The following ENSA variants were observed in gnomAD, a reference collection of about 807,000 sequenced individuals.
The protein encoded by ENSA is alpha-endosulfine.
Under a neutral mutation model 16.8 loss-of-function variants are expected in ENSA, and 7 were observed. The ratio of observed to expected loss-of-function variants is 0.42; its 90% CI spans 0.24 to 0.78. The LOEUF (loss-of-function observed/expected upper bound fraction) is 0.78. ENSA is among the 30% of genes least tolerant of loss of function. ENSA has a pLI of 0.29. For synonymous variants in ENSA, 58 were observed against 53.4 expected (o/e 1.09, Z -0.37); for missense variants, 87 against 142.3 (o/e 0.61, Z 1.98).
rs1052645300 is a variant in ENSA, at chr1:150,627,710, T to C, written c.58-118A>G. ...AATCCACCCACTTGTAAATACGCTATCTCTACTCTGCTGTTAAAGCTAGAC... is the reference window on the plus strand; with the variant it reads ...AATCCACCCACTTGTAAATACGCTACCTCTACTCTGCTGTTAAAGCTAGAC... On this transcript the variant is annotated intron_variant, in intron 1 of 3. Coordinates refer to ENST00000369014, the MANE Select transcript of ENSA (RefSeq NM_004436.4). 77 of 1,030,052 alleles carry C rather than the reference T, an allele frequency of 7.5e-5. 1 individual carries two copies. The highest frequency in any genetic ancestry group is 1.1e-4 in the Admixed American group (4 of 36,188). 63.8% of individuals were successfully genotyped at this position (1,030,052 alleles called of 1,614,324 possible).
In ENSA at chr1:150,629,517, G is replaced by A; in HGVS notation, c.-47C>T. 6.2e-7 allele frequency: 1 copy of A among 1,600,030 alleles called. No homozygotes were observed. The highest frequency in any genetic ancestry group is 8.5e-7 in the Non-Finnish European group (1 of 1,174,114). On this transcript the variant is annotated 5_prime_UTR_variant, in exon 1 of 4. Transcript: ENST00000369014. ...TGTAAGGGGCCCGGGAAGGCAACCG[G>A]AGAAGGGAAGGGGGAGGGGAAACGG... is the stretch of plus-strand genomic sequence containing the variant.
chr1:150,625,583 C>T (rs1391373155), intron 3 of ENSA, 59 bp downstream of exon 3: 1 of 1,500,160 alleles, frequency 6.7e-7, no homozygotes, highest in East Asian at 2.4e-5. Context: ...TTCATCCCTG[C>T]CTATAATATA....
chr1:150,622,288 G>T lies in ENSA; in HGVS notation c.*556C>A, dbSNP rs1008020922. 9.2e-5 allele frequency: 14 copies of T among 152,536 alleles called. No homozygotes were observed. The highest frequency in any genetic ancestry group is 3.4e-4 in the African/African-American group (14 of 41,446). 9.4% of individuals were successfully genotyped at this position (152,536 alleles called of 1,614,324 possible). ...TTTCAAGGACAGTACTTTTTAAAAT[G>T]ATTAATGTTGAGTTCTCAACTAGCT... On this transcript the variant is annotated 3_prime_UTR_variant, in exon 4 of 4. Transcript: ENST00000369014.
chr1:150,629,346 G>A (rs902488040), intron 1 of ENSA, 68 bp downstream of exon 1: 9 of 1,583,572 alleles, frequency 5.7e-6, no homozygotes, highest in African/African-American at 4.0e-5. Context: ...AATCCGCACT[G>A]GTGGGAGACC....
chr1:150,629,605 T>A lies in ENSA; in HGVS notation c.-135A>T, dbSNP rs1649602202. The A allele has an allele frequency of 8.8e-7, 1 of 1,140,242 alleles. No individual in the cohort carries two copies. Among genetic ancestry groups the A allele is most frequent in the Non-Finnish European group, 1.2e-6 (1 of 803,524 alleles). 70.6% of individuals were successfully genotyped at this position (1,140,242 alleles called of 1,614,324 possible). ...GGTTGCTCAGTCAAAATGGCGGCCC[T>A]TGCCCGTGACGTTGCGACCGCCCCT... is the stretch of plus-strand genomic sequence containing the variant. On this transcript the variant is annotated 5_prime_UTR_variant, in exon 1 of 4. In the 5' UTR this introduces an upstream ATG that the reference lacks. Transcript: ENST00000369014.
rs1649115254 is a variant in ENSA at position 150,623,727 on chromosome 1, C to A, written c.351-868G>T. On this transcript the variant is annotated intron_variant, in intron 3 of 3. Transcript: ENST00000369014. ...CAATGGTGTTCAGCATTTTCCCCTT[C>A]CCAGATGGACTTTAAGGATGACAGC... is the stretch of plus-strand genomic sequence containing the variant. The A allele has an allele frequency of 1.3e-5, 13 of 985,624 alleles. No homozygotes were observed. The South Asian group carries it at 6.1e-4, about 46-fold the overall frequency. The allele number at this position is 985,624 out of a possible 1,614,324, so 61.1% of individuals were successfully genotyped here. A position where few individuals can be genotyped will look rare whatever the true frequency, so the allele number is the denominator to read the frequency against.
In ENSA at chr1:150,622,243, T is replaced by C. The variant is rs773277109; in HGVS notation, c.*601A>G. 2.0e-5 allele frequency: 3 copies of C among 152,382 alleles called. No homozygotes were observed. Among genetic ancestry groups the C allele is most frequent in the East Asian group, 1.9e-4 (1 of 5,184 alleles). 9.4% of individuals were successfully genotyped at this position (152,382 alleles called of 1,614,324 possible). A position where few individuals can be genotyped will look rare whatever the true frequency, so the allele number is the denominator to read the frequency against. On this transcript the variant is annotated 3_prime_UTR_variant, in exon 4 of 4. Coordinates refer to ENST00000369014, the MANE Select transcript of ENSA (RefSeq NM_004436.4). The stretch of plus-strand genomic sequence containing the variant: ...CTCCTTTCTCCCACACTCACTGCCC[T>C]TCTTCCCACAGCAAATCTATTTCAA...
chr1:150,621,563 C>G (rs962917074), downstream of ENSA: 2 of 152,204 alleles, frequency 1.3e-5, no homozygotes, highest in African/African-American at 4.8e-5. Flanking sequence ...CGTGAGCCAC[C>G]GTACACCCGC....
rs1031072027 is a variant in ENSA at position 150,623,953 on chromosome 1, A to C, written c.351-1094T>G. 4 of 985,296 alleles carry C rather than the reference A, an allele frequency of 4.1e-6. No homozygotes were observed. The African/African-American group carries it at 7.0e-5, about 17-fold the overall frequency. 61.0% of individuals were successfully genotyped at this position (985,296 alleles called of 1,614,324 possible). On this transcript the variant is annotated intron_variant, in intron 3 of 3. Coordinates refer to ENST00000369014, the MANE Select transcript of ENSA (RefSeq NM_004436.4). Reference sequence around the variant, plus strand: ...ATACACACCTCATCCCCCCACATGCACATCAGCAAGTCTATCAGTCATTCT... The same window carrying C: ...ATACACACCTCATCCCCCCACATGCCCATCAGCAAGTCTATCAGTCATTCT...
rs12023300 is a variant in ENSA at position 150,623,404 on chromosome 1, T to A, written c.351-545A>T. ...TGTGGAAACTGGCAAATACAGAATG[T>A]AGCTTGTTTGTTTTCTTAGCCTTGA... On this transcript the variant is annotated intron_variant, in intron 3 of 3. Transcript: ENST00000369014. 5.7e-5 allele frequency: 56 copies of A among 985,882 alleles called. 1 individual carries two copies. In the East Asian group the frequency reaches 4.3e-3, roughly 76 times the overall value. 61.1% of individuals were successfully genotyped at this position (985,882 alleles called of 1,614,324 possible).
intron 3 of ENSA, chr1:150,623,488 C>T: frequency 2.0e-6 from 2 of 985,732 alleles, no homozygotes; most frequent in Non-Finnish European, 2.4e-6. Flanking sequence ...CCCTGCTCCT[C>T]CTATTCCTTC....
At chr1:150,627,137 A>G (rs1436051894) in intron 2 of ENSA, 18 of 1,444,144 alleles carry the variant, frequency 1.2e-5, no homozygotes, top group Non-Finnish European at 1.6e-5. Flanking sequence ...TAATGCTTAA[A>G]AAGTGCACAA....
chr1:150,626,826 G>C (rs1004080020), intron 2 of ENSA, among the ~76,000 whole-genome samples: 14 of 152,188 alleles, frequency 9.2e-5, no homozygotes, highest in Non-Finnish European at 1.8e-4. Context: ...TTACAGGCGT[G>C]AGCCACTGCG....
rs966328041 is a variant in ENSA at position 150,627,183 on chromosome 1, T to G, written c.183+284A>C. 1.3e-5 allele frequency: 20 copies of G among 1,487,364 alleles called. No homozygotes were observed. The African/African-American group carries it at 2.7e-4, about 20-fold the overall frequency. The allele number at this position is 1,487,364 out of a possible 1,614,324, so 92.1% of individuals were successfully genotyped here. On this transcript the variant is annotated intron_variant, in intron 2 of 3. Coordinates refer to ENST00000369014, the MANE Select transcript of ENSA (RefSeq NM_004436.4). ...TCCAACATTCAAACAGGCAAATGCCTGGGGGCAGTCTGCATTTCAGTTTCT... is the reference window on the plus strand; with the variant it reads ...TCCAACATTCAAACAGGCAAATGCCGGGGGGCAGTCTGCATTTCAGTTTCT...
Position 150,627,792 on chromosome 1 carries a change from C to T in ENSA, c.58-200G>A, listed in dbSNP as rs587630968. ...TATTGTGAGAGAAAAAGACAAGCTG[C>T]TTCTCACACTTCACCCAAGGAACCA... is the stretch of plus-strand genomic sequence containing the variant. On this transcript the variant is annotated intron_variant, in intron 1 of 3. Coordinates refer to ENST00000369014, the MANE Select transcript of ENSA (RefSeq NM_004436.4). Among the ~76,000 whole-genome samples the T allele has an allele frequency of 2.0e-5, 3 of 152,306 alleles. No homozygotes were observed. The South Asian group carries it at 6.2e-4, about 32-fold the overall frequency.
At chr1:150,629,052 G>C in intron 1 of ENSA, 4 of 1,613,980 alleles carry the variant, frequency 2.5e-6, no homozygotes, top group Non-Finnish European at 3.4e-6. Flanking sequence ...CGGTTGCTGG[G>C]TCACTTACCT....
At position 150,622,156 on chromosome 1, in the gene ENSA, T is replaced by C. The variant is rs991953665; in HGVS notation, c.*688A>G. ...GGTTGGGTTTTTTCATGGGTTTTTG[T>C]TTTGTTTATTTCGAATACTGAAAAA... On this transcript the variant is annotated 3_prime_UTR_variant, in exon 4 of 4. Coordinates refer to ENST00000369014, the MANE Select transcript of ENSA (RefSeq NM_004436.4). 4 of 152,226 alleles carry C rather than the reference T, an allele frequency of 2.6e-5. No individual in the cohort carries two copies. The highest frequency in any genetic ancestry group is 6.5e-5 in the Admixed American group (1 of 15,286). 9.4% of individuals were successfully genotyped at this position (152,226 alleles called of 1,614,324 possible).
rs1321764896 is a variant in ENSA at position 150,625,625 on chromosome 1, A to AG, written c.350+16dup. 1.3e-6 allele frequency: 2 copies of AG among 1,577,404 alleles called. No homozygotes were observed. The highest frequency in any genetic ancestry group is 1.7e-6 in the Non-Finnish European group (2 of 1,159,472). ...TCCAGTGGTTGAGGAAGGGGAGGAGAGGGGGGCTCAGGTTACCCCGCAAGC... is the reference window on the plus strand; with the variant it reads ...TCCAGTGGTTGAGGAAGGGGAGGAGAGGGGGGGCTCAGGTTACCCCGCAAGC... On this transcript the variant is annotated intron_variant, in intron 3 of 3. Coordinates refer to ENST00000369014, the MANE Select transcript of ENSA (RefSeq NM_004436.4).
At chr1:150,626,128 G>A (rs1649289127) in intron 2 of ENSA, among the ~76,000 whole-genome samples, 1 of 152,132 alleles carries the variant, frequency 6.6e-6, no homozygotes, top group Non-Finnish European at 1.5e-5. Context: ...TATTCATAAA[G>A]GGTAACTGAG....
Sources: gnomAD v4.1 joint callset for allele counts (sites outside exome capture counted in the v4.1 genomes callset) on GRCh38, gnomAD v4.1.1 for gene constraint, MANE v1.5 for transcripts, NCBI Gene and HGNC (gene_info 2026-07-23, HGNC 2026-07-21) for gene names.